Variants in HHAT observed in about 807,000 individuals in gnomAD.
HHAT encodes hedgehog acyltransferase.
A neutral mutation model predicts 70.8 loss-of-function variants in HHAT; 47 were observed. The observed-to-expected ratio is 0.66, with a 90% CI of 0.53 to 0.85. The LOEUF is 0.85. Among genes scored for constraint, HHAT ranks in the 40% least tolerant of loss-of-function variants. The pLI is 0.00. For missense variants in HHAT, 609 were observed against 604.8 expected (o/e 1.01, Z -0.07); for synonymous variants, 228 against 247.6 (o/e 0.92, Z 0.74).
At chr1:210,350,193 T>A (rs1156837401) in intron 2 of HHAT, among the ~76,000 whole-genome samples, 2 of 152,210 alleles carry the variant, frequency 1.3e-5, no homozygotes. Flanking sequence ...ACAAAATAAC[T>A]TTAGCCATAA....
intron 1 of HHAT, chr1:210,329,372 C>G (rs1205725737): frequency 1.5e-5 from 18 of 1,173,134 alleles, no homozygotes; most frequent in Non-Finnish European, 1.7e-5. Flanking sequence ...CGTCCTCTCT[C>G]CTTGGCTTCG....
intron 9 of HHAT, among the ~76,000 whole-genome samples, chr1:210,526,367 G>GTTTTTTTTTTTTT (rs5780585): frequency 7.0e-6 from 1 of 142,336 alleles, no homozygotes; most frequent in Admixed American, 7.1e-5. Flanking sequence ...AGTGGGTTCT[G>GTTTTTTTTTTTTT]TTTTTTTTTT....
At position 210,676,131 on chromosome 1, in the gene HHAT, C is replaced by G. The variant is rs1481229855; in HGVS notation, c.*1752C>G. On this transcript the variant is annotated 3_prime_UTR_variant, in exon 12 of 12. Transcript: ENST00000261458. ...GTAATACAAAAGTTTTGAGCTCTTC[C>G]AAGTATACCATTTATATACAAACAA... 6.6e-6 allele frequency: 1 copy of G among 152,136 alleles called. No homozygotes were observed. Among genetic ancestry groups the G allele is most frequent in the African/African-American group, 2.4e-5 (1 of 41,412 alleles). The allele number at this position is 152,136 out of a possible 1,614,324, so 9.4% of individuals were successfully genotyped here.
Position 210,638,458 on chromosome 1 carries a change from G to A in HHAT, c.1390+14788G>A, listed in dbSNP as rs572447081. Among the ~76,000 whole-genome samples the A allele has an allele frequency of 2.5e-4, 38 of 152,272 alleles. No individual in the cohort carries two copies. In the South Asian group the frequency reaches 7.7e-3, roughly 31 times the overall value. ...ATGTTGTTGATTCTATTTATAAAAT[G>A]TCCAGAATAGGCAAATCTATAGAGA... On this transcript the variant is annotated intron_variant, in intron 11 of 11. Transcript: ENST00000261458.
intron 8 of HHAT, among the ~76,000 whole-genome samples, chr1:210,472,403 A>G (rs750071229): frequency 1.3e-5 from 2 of 152,222 alleles, no homozygotes; most frequent in South Asian, 2.1e-4. Context: ...ATCCAAGCAC[A>G]TGGCTCTTGA....
chr1:210,402,524 A>C (rs1053613814), intron 5 of HHAT, among the ~76,000 whole-genome samples: 3 of 152,190 alleles, frequency 2.0e-5, no homozygotes, highest in African/African-American at 7.2e-5. Flanking sequence ...CAGTCTCTAA[A>C]GGTAAGAAAT....
chr1:210,634,455 G>A lies in HHAT; in HGVS notation c.1390+10785G>A, dbSNP rs184595881. Among the ~76,000 whole-genome samples the A allele has an allele frequency of 3.9e-5, 6 of 152,324 alleles. No homozygotes were observed. The East Asian group carries it at 1.2e-3, about 29-fold the overall frequency. On this transcript the variant is annotated intron_variant, in intron 11 of 11. Transcript: ENST00000261458. ...TCTGTTGAATCATGCACAGCAGGGA[G>A]CCATTTGTGTTCTGAGGGTTGTCAA...
rs570862407 is a variant in HHAT, at chr1:210,544,476, A to T, written c.1043+31288A>T. Reference sequence around the variant, plus strand: ...CAACCTCTGCCTCCCGGGTTCAAGGAATTCTCCTGCTTCAGCCTCCCGAGT... The same window carrying T: ...CAACCTCTGCCTCCCGGGTTCAAGGTATTCTCCTGCTTCAGCCTCCCGAGT... On this transcript the variant is annotated intron_variant, in intron 9 of 11. Coordinates refer to ENST00000261458, the MANE Select transcript of HHAT (RefSeq NM_018194.6). Among the ~76,000 whole-genome samples the T allele has an allele frequency of 1.7e-4, 25 of 146,904 alleles. No homozygotes were observed. The South Asian group carries it at 5.3e-3, about 31-fold the overall frequency.
chr1:210,413,578 T>A (rs191373228), intron 6 of HHAT, among the ~76,000 whole-genome samples: 1 of 152,350 alleles, frequency 6.6e-6, no homozygotes, highest in East Asian at 1.9e-4. Context: ...AGAAATGGCT[T>A]TAGCTAAATA....
At chr1:210,391,103 T>C (rs973674702) in intron 4 of HHAT, among the ~76,000 whole-genome samples, 2 of 152,232 alleles carry the variant, frequency 1.3e-5, no homozygotes, top group Non-Finnish European at 2.9e-5. Flanking sequence ...TTGTACTAAT[T>C]TACACTTCTA....
chr1:210,664,140 T>C (rs1473907564), intron 11 of HHAT, among the ~76,000 whole-genome samples: 2 of 152,248 alleles, frequency 1.3e-5, no homozygotes, highest in Admixed American at 1.3e-4. Context: ...GCTTTGCTGT[T>C]GCTGTGTATC....
chr1:210,482,008 G>A (rs2094404606), intron 8 of HHAT, among the ~76,000 whole-genome samples: 1 of 152,142 alleles, frequency 6.6e-6, no homozygotes, highest in Admixed American at 6.6e-5. Context: ...GGCAGGAGAC[G>A]AGGGTGGGGG....
At chr1:210,637,657 C>T (rs550735940) in intron 11 of HHAT, among the ~76,000 whole-genome samples, 4 of 152,134 alleles carry the variant, frequency 2.6e-5, no homozygotes, top group Non-Finnish European at 5.9e-5. Context: ...GTCAAGAGAT[C>T]GAGACCATCC....
At chr1:210,573,452 A>C (rs1366056344) in intron 9 of HHAT, among the ~76,000 whole-genome samples, 1 of 152,220 alleles carries the variant, frequency 6.6e-6, no homozygotes, top group Non-Finnish European at 1.5e-5. Flanking sequence ...CACAAAGGCC[A>C]ACTCTCGTTG....
Position 210,528,811 on chromosome 1 carries a change from C to T in HHAT, c.1043+15623C>T, listed in dbSNP as rs193277014. On this transcript the variant is annotated intron_variant, in intron 9 of 11. Transcript: ENST00000261458. ...ATAGTACCATCAGGGATCTGGAAAT[C>T]GGGCATACCCTGCCGTCTGTAGAAA... Among the ~76,000 whole-genome samples the T allele has an allele frequency of 2.9e-3, 436 of 152,200 alleles. 4 individuals carry two copies. The highest frequency in any genetic ancestry group is 9.4e-3 in the African/African-American group (390 of 41,510).
At chr1:210,349,142 T>G in intron 2 of HHAT, 76 bp downstream of exon 2, 1 of 1,454,870 alleles carries the variant, frequency 6.9e-7, no homozygotes, top group East Asian at 2.3e-5. Flanking sequence ...GGTGGAAGAT[T>G]CAAGAAGATG....
At chr1:210,432,767 C>CT (rs1445413083) in intron 7 of HHAT, among the ~76,000 whole-genome samples, 2 of 151,760 alleles carry the variant, frequency 1.3e-5, no homozygotes, top group Non-Finnish European at 2.9e-5. Flanking sequence ...CAAACATCCC[C>CT]TTTCTTTCCA....
At chr1:210,553,464 G>T (rs2095545339) in intron 9 of HHAT, among the ~76,000 whole-genome samples, 1 of 152,202 alleles carries the variant, frequency 6.6e-6, no homozygotes, top group Non-Finnish European at 1.5e-5. Context: ...ACATTGGAAG[G>T]CAGAAGAGAA....
chr1:210,596,024 T>C (rs1163060181), intron 10 of HHAT, among the ~76,000 whole-genome samples: 1 of 152,244 alleles, frequency 6.6e-6, no homozygotes, highest in Non-Finnish European at 1.5e-5. Flanking sequence ...TTTGGTGTTT[T>C]AGACATGAAG....
Sources: gnomAD v4.1 joint callset for allele counts (sites outside exome capture counted in the v4.1 genomes callset) on GRCh38, gnomAD v4.1.1 for gene constraint, MANE v1.5 for transcripts, NCBI Gene and HGNC (gene_info 2026-07-23, HGNC 2026-07-21) for gene names.